The following SCNN1D variants were observed in gnomAD, a reference collection of about 807,000 sequenced individuals.
The protein encoded by SCNN1D is sodium channel epithelial 1 subunit delta, also known as epithelial sodium channel subunit delta.
Under a neutral mutation model 87.8 loss-of-function variants are expected in SCNN1D, and 104 were observed. The ratio of observed to expected loss-of-function variants is 1.18; its 90% CI spans 1.01 to 1.39. SCNN1D has a LOEUF of 1.39. SCNN1D is among the 40% of genes most tolerant of loss of function. SCNN1D has a pLI of 0.00. For missense variants in SCNN1D, 1,324 were observed against 1,093.9 expected, an observed-to-expected ratio of 1.21 and a Z score of -2.97; for synonymous variants, 628 against 481.2, an observed-to-expected ratio of 1.31 and a Z score of -3.99.
chr1:1,286,752 G>A lies in SCNN1D; in HGVS notation c.912-16G>A. 6.2e-7 allele frequency: 1 copy of A among 1,610,740 alleles called. No individual in the cohort carries two copies. The highest frequency in any genetic ancestry group is 1.1e-5 in the South Asian group (1 of 90,834). ...CCCCGGGCCGGCAACTCTGACTCCA[G>A]GGCCCTGCGTCCCAGGCCGAGTCCG... is the stretch of plus-strand genomic sequence containing the variant. On this transcript the variant is annotated splice_polypyrimidine_tract_variant and intron_variant, in intron 7 of 17. Transcript: ENST00000379116.
At chr1:1,290,090 T>TCC (rs370250412) in intron 12 of SCNN1D, among the ~76,000 whole-genome samples, 181 bp from the exon 13 acceptor site, 29 of 112,364 alleles carry the variant, frequency 2.6e-4, no homozygotes, top group Admixed American at 3.1e-4. Context: ...CTCTGCTCCG[T>TCC]CCCGTGTCTC....
intron 5 of SCNN1D, among the ~76,000 whole-genome samples, chr1:1,284,316 AGGGGTGGGGGGGTG>A (rs1190765012): frequency 1.9e-5 from 1 of 52,388 alleles, no homozygotes; most frequent in East Asian, 7.3e-4. Context: ...GGTGGGGGGT[AGGGGTGGGGGGGTG>A]GGGCTGGCGG....
rs1640450625 is a variant in SCNN1D, at chr1:1,280,587, C to T, written c.-75C>T. The T allele has an allele frequency of 2.9e-6, 2 of 687,664 alleles. No homozygotes were observed. Among genetic ancestry groups the T allele is most frequent in the Admixed American group, 4.0e-5 (2 of 49,730 alleles). The allele number at this position is 687,664 out of a possible 1,614,324, so 42.6% of individuals were successfully genotyped here. A position where few individuals can be genotyped will look rare whatever the true frequency, so the allele number is the denominator to read the frequency against. ...GGTCACAAGCCTCAGAGAGAATCAA[C>T]TATAAATGCTTCTCATCAGACTCAA... On this transcript the variant is annotated 5_prime_UTR_variant, in exon 1 of 18. Coordinates refer to ENST00000379116, the MANE Select transcript of SCNN1D (RefSeq NM_001130413.4).
rs769906711 is a variant in SCNN1D, at chr1:1,286,947, G to A, written c.1091G>A (p.Gly364Asp). 40 of 1,612,374 alleles carry A rather than the reference G, an allele frequency of 2.5e-5. No individual in the cohort carries two copies. The highest frequency in any genetic ancestry group is 3.4e-5 in the Non-Finnish European group (40 of 1,179,764). ...EIRLQRLSHS[G>D]SRVRVGFRLC... is the part of the protein sequence containing the mutation. ...CGTCTGCAGAGGCTGAGCCACTCGG[G>A]CAGCCGGGTCAGAGTGGGGTTCAGA... The change falls in exon 8 of 18, where the codon GGC (glycine) becomes GAC (aspartate). Residue 364 changes from glycine to aspartate, a missense_variant. By Grantham distance (94) the Gly-to-Asp change is moderately conservative. Coordinates refer to ENST00000379116, the MANE Select transcript of SCNN1D (RefSeq NM_001130413.4).
chr1:1,291,108 T>C lies in SCNN1D; in HGVS notation c.2020T>C (p.Tyr674His), dbSNP rs1640798620. 6.2e-7 allele frequency: 1 copy of C among 1,612,118 alleles called. No homozygotes were observed. The highest frequency in any genetic ancestry group is 1.3e-5 in the African/African-American group (1 of 74,900). The change falls in exon 17 of 18, where the codon TAC (tyrosine) becomes CAC (histidine). Residue 674 changes from tyrosine (Y) to histidine (H), a missense_variant. Physicochemically the swap from Tyr to His is moderately conservative, Grantham distance 83. Transcript: ENST00000379116. ...KINIVYQELN[Y>H]RSVEEAPVYS... is the part of the protein sequence containing the mutation. Reference sequence around the variant, plus strand: ...CAACATCGTCTACCAGGAGCTCAACTACCGCTCAGTGGAGGAGGCGCCCGT... The same window carrying C: ...CAACATCGTCTACCAGGAGCTCAACCACCGCTCAGTGGAGGAGGCGCCCGT...
chr1:1,286,878 C>T lies in SCNN1D; in HGVS notation c.1022C>T (p.Thr341Ile). 2 of 1,612,634 alleles carry T rather than the reference C, an allele frequency of 1.2e-6. No homozygotes were observed. The highest frequency in any genetic ancestry group is 2.2e-5 in the East Asian group (1 of 44,880). Residue 341 changes from threonine to isoleucine, a missense_variant, in exon 8 of 18, where the codon ACT becomes ATT. Coordinates refer to ENST00000379116, the MANE Select transcript of SCNN1D (RefSeq NM_001130413.4). ...LSKGRAALSA[T>I]VPRHEPPFHL... ...AAAGGCAGAGCCGCCCTCTCCGCCA[C>T]TGTCCCCCGCCACGAGCCCCCCTTC...
rs767245621 is a variant in SCNN1D at position 1,287,533 on chromosome 1, A to C, written c.1336A>C (p.Thr446Pro). ...ARQFRTFHHP[T>P]YGSCYTVDGV... ...ACAGTTCCGGACCTTCCACCACCCC[A>C]CCTACGGCAGCTGCTACACGGTCGA... Residue 446 changes from threonine (T) to proline (P), a missense_variant, in exon 10 of 18, where the codon ACC (threonine) becomes CCC (proline). Thr to Pro is a conservative substitution (Grantham distance 38). Transcript: ENST00000379116. The C allele has an allele frequency of 1.3e-6, 2 of 1,530,956 alleles. No individual in the cohort carries two copies. The highest frequency in any genetic ancestry group is 4.0e-5 in the Admixed American group (2 of 49,474). The allele number at this position is 1,530,956 out of a possible 1,614,324, so 94.8% of individuals were successfully genotyped here. A position where few individuals can be genotyped will look rare whatever the true frequency, so the allele number is the denominator to read the frequency against.
At chr1:1,291,227 C>T (rs374813816) in intron 17 of SCNN1D, 27 bp from the exon 18 acceptor site, 44 of 1,564,044 alleles carry the variant, frequency 2.8e-5, no homozygotes, top group Non-Finnish European at 3.7e-5. Context: ...CCTGGGCCCG[C>T]CCCTCACACC....
intron 9 of SCNN1D, 100 bp from the exon 10 acceptor site, chr1:1,287,408 G>T: frequency 6.7e-7 from 1 of 1,490,252 alleles, no homozygotes; most frequent in Non-Finnish European, 9.0e-7. Flanking sequence ...GCTGGCCGGA[G>T]GAACTTTCCG....
chr1:1,291,454 G>C lies in SCNN1D; in HGVS notation c.2253G>C (p.Glu751Asp). ...PASGASSIKP[E>D]ASQMPPPAGG... ...CAGGGGCGTCCAGCATCAAGCCAGA[G>C]GCCAGTCAGATGCCCCCGCCTGCAG... The change falls in exon 18 of 18, where the codon GAG becomes GAC. Residue 751 changes from glutamate (E) to aspartate (D), a missense_variant. Physicochemically the swap from Glu to Asp is conservative, Grantham distance 45. Transcript: ENST00000379116. 1 of 1,608,468 alleles carries C rather than the reference G, an allele frequency of 6.2e-7. No individual in the cohort carries two copies. The highest frequency in any genetic ancestry group is 8.5e-7 in the Non-Finnish European group (1 of 1,177,440).
chr1:1,290,624 C>T lies in SCNN1D; in HGVS notation c.1860-13C>T. ...AGGTAGCGTGGCAGGTGACACCCGG[C>T]TGTCTCTTCCAGGGAGTCTGCATTC... On this transcript the variant is annotated splice_polypyrimidine_tract_variant and intron_variant, in intron 14 of 17. Coordinates refer to ENST00000379116, the MANE Select transcript of SCNN1D (RefSeq NM_001130413.4). 3 of 1,612,606 alleles carry T rather than the reference C, an allele frequency of 1.9e-6. No homozygotes were observed. The highest frequency in any genetic ancestry group is 1.7e-6 in the Non-Finnish European group (2 of 1,179,918).
chr1:1,281,423 A>C lies in SCNN1D; in HGVS notation c.90A>C (p.Ser30=). 1 of 1,521,352 alleles carries C rather than the reference A, an allele frequency of 6.6e-7. No individual in the cohort carries two copies. The highest frequency in any genetic ancestry group is 8.8e-7 in the Non-Finnish European group (1 of 1,138,124). The allele number at this position is 1,521,352 out of a possible 1,614,324, so 94.2% of individuals were successfully genotyped here. ...TTCTCTCATTCAGGCTCACCTGGTCATGGTGCAGTGACCACAGGACCCCCA... is the reference window on the plus strand; with the variant it reads ...TTCTCTCATTCAGGCTCACCTGGTCCTGGTGCAGTGACCACAGGACCCCCA... ...HLSGPRRLTW[S]WCSDHRTPTC... is the part of the protein sequence containing the mutation. The change falls in exon 3 of 18, where the codon TCA becomes TCC. Residue 30 remains serine, a synonymous_variant. Transcript: ENST00000379116.
chr1:1,283,233 A>G (rs1640506014), intron 4 of SCNN1D, among the ~76,000 whole-genome samples: 1 of 152,006 alleles, frequency 6.6e-6, no homozygotes, highest in African/African-American at 2.4e-5. Flanking sequence ...CCACACCCAG[A>G]CCCTTGGTGT....
chr1:1,287,610 C>T lies in SCNN1D; in HGVS notation c.1399+14C>T, dbSNP rs1570607059. ...GCATCACCCACGGTGGGTGCCAGCCCCTGGCCGGTGCGGGGGCAGGGGTGC... is the reference window on the plus strand; with the variant it reads ...GCATCACCCACGGTGGGTGCCAGCCTCTGGCCGGTGCGGGGGCAGGGGTGC... On this transcript the variant is annotated intron_variant, in intron 10 of 17. Transcript: ENST00000379116. 3.1e-6 allele frequency: 5 copies of T among 1,608,126 alleles called. No homozygotes were observed. The East Asian group carries it at 8.9e-5, about 29-fold the overall frequency.
intron 16 of SCNN1D, 56 bp downstream of exon 16, chr1:1,291,009 C>A: frequency 6.3e-7 from 1 of 1,596,654 alleles, no homozygotes; most frequent in Non-Finnish European, 8.5e-7. Context: ...CCTCAAAGCC[C>A]CCCTCCCCAT....
In SCNN1D at chr1:1,290,307, G is replaced by T. The variant is rs999325345; in HGVS notation, c.1699G>T (p.Glu567Ter). Residue 567 changes from glutamate to a stop codon, truncating the protein, a stop_gained, in exon 13 of 18, where the codon GAG (glutamate) becomes TAG (stop). Transcript: ENST00000379116. LOFTEE classifies it high-confidence loss of function. ...GTCCTGCTTCCAGCAGCTGATGGTG[G>T]AGACCTGCTCCTGTGGCTACTACCT... ...LVSCFQQLMV[E>*]TCSCGYYLHP... is the part of the protein sequence containing the mutation. The T allele has an allele frequency of 2.5e-6, 4 of 1,587,342 alleles. No homozygotes were observed. The highest frequency in any genetic ancestry group is 3.4e-6 in the Non-Finnish European group (4 of 1,165,354).
intron 8 of SCNN1D, 48 bp from the exon 9 acceptor site, chr1:1,287,061 G>A (rs368878588): frequency 2.3e-5 from 36 of 1,576,374 alleles, no homozygotes; most frequent in Middle Eastern, 1.7e-4. Context: ...AGTGGGGAGC[G>A]GGGCCTGGGC....
chr1:1,288,008 C>G lies in SCNN1D; in HGVS notation c.1633C>G (p.Leu545Val), dbSNP rs1036831207. 3.9e-6 allele frequency: 6 copies of G among 1,538,964 alleles called. No homozygotes were observed. The highest frequency in any genetic ancestry group is 1.8e-4 in the Middle Eastern group (1 of 5,664). The change falls in exon 12 of 18, where the codon CTG becomes GTG. Residue 545 changes from leucine (L) to valine (V), a missense_variant. Transcript: ENST00000379116. ...TAGGEGVEVE[L>V]LHNTSYTRQA... ...CGGCGGGGAAGGCGTGGAGGTGGAG[C>G]TGCTACACAACACCTCCTACACCAG...
At position 1,287,950 on chromosome 1, in the gene SCNN1D, C is replaced by T. The variant is rs1235222432; in HGVS notation, c.1575C>T (p.His525=). ...GCGTCCCCTCCCAGGACGAGGTGCA[C>T]CGGCTCGGGAGCCCCTACGGCCACT... The part of the protein sequence containing the change: ...ATISIREDEV[H]RLGSPYGHCT... Residue 525 remains histidine, a synonymous_variant, in exon 12 of 18, where the codon CAC becomes CAT. Transcript: ENST00000379116. 6.5e-7 allele frequency: 1 copy of T among 1,543,758 alleles called. No individual in the cohort carries two copies. Among genetic ancestry groups the T allele is most frequent in the African/African-American group, 1.4e-5 (1 of 72,934 alleles).
Sources: allele counts gnomAD v4.1 joint callset (sites outside exome capture counted in the v4.1 genomes callset), GRCh38; gene constraint gnomAD v4.1.1; transcripts MANE v1.5; gene names NCBI Gene and HGNC (gene_info 2026-07-23, HGNC 2026-07-21).